The following ALPL variants were observed in gnomAD, a reference collection of about 807,000 sequenced individuals.
ALPL encodes alkaline phosphatase, biomineralization associated, also known as alkaline phosphatase, tissue-nonspecific isozyme.
In ALPL, 42 loss-of-function variants were observed where a neutral mutation model predicts 51.3. The ratio of observed to expected loss-of-function variants is 0.82; its 90% CI spans 0.64 to 1.06. The LOEUF (loss-of-function observed/expected upper bound fraction) is 1.06, where lower values mean the gene tolerates loss of function less well. Among genes scored for constraint, ALPL ranks in the 50% least tolerant of loss-of-function variants. The probability of loss-of-function intolerance (pLI) is 0.00; values close to 1 mark genes in which losing one functional copy is unlikely to be tolerated. For missense variants in ALPL, 589 were observed against 709.4 expected (o/e 0.83, Z 1.93); for synonymous variants, 279 against 296.4 (o/e 0.94, Z 0.60).
chr1:21,528,776 T>C (rs1643987918), intron 1 of ALPL, among the ~76,000 whole-genome samples: 1 of 152,044 alleles, frequency 6.6e-6, no homozygotes, highest in Admixed American at 6.6e-5. Flanking sequence ...CATGAAAATA[T>C]TATGGAGTCA....
At chr1:21,573,971 A>G in intron 9 of ALPL, 172 bp downstream of exon 9, 2 of 985,442 alleles carry the variant, frequency 2.0e-6, no homozygotes, top group Non-Finnish European at 2.4e-6. Flanking sequence ...CTCCCAGCCC[A>G]GCAAGCTGCT....
chr1:21,570,290 A>G lies in ALPL; in HGVS notation c.793-15A>G. ...CCTAGCCCCCGGCATGTGCTGACAC[A>G]GCCCTTCCTCCTAGCACTCCCACTT... is the stretch of plus-strand genomic sequence containing the variant. On this transcript the variant is annotated splice_polypyrimidine_tract_variant and intron_variant, in intron 7 of 11. Coordinates refer to ENST00000374840, the MANE Select transcript of ALPL (RefSeq NM_000478.6). 1.2e-6 allele frequency: 2 copies of G among 1,613,946 alleles called. No homozygotes were observed. Among genetic ancestry groups the G allele is most frequent in the Non-Finnish European group, 8.5e-7 (1 of 1,179,910 alleles).
At chr1:21,529,868 C>T (rs1479146094) in intron 1 of ALPL, among the ~76,000 whole-genome samples, 1 of 152,036 alleles carries the variant, frequency 6.6e-6, no homozygotes, top group Non-Finnish European at 1.5e-5. Context: ...ACCTCCCGAG[C>T]TCAAGTGATC....
At chr1:21,571,603 C>T (rs557709720) in intron 8 of ALPL, among the ~76,000 whole-genome samples, 115 of 151,600 alleles carry the variant, frequency 7.6e-4, no homozygotes, top group East Asian at 9.8e-4. Flanking sequence ...ACCCGGGAGG[C>T]GGAGGTTACA....
At chr1:21,567,246 C>T (rs1171076074) in intron 6 of ALPL, among the ~76,000 whole-genome samples, 1 of 152,224 alleles carries the variant, frequency 6.6e-6, no homozygotes, top group African/African-American at 2.4e-5. Flanking sequence ...CGGGCTGGCA[C>T]CCGCGGTGAC....
rs565752699 is a variant in ALPL at position 21,564,022 on chromosome 1, C to T, written c.473-19C>T. 14 of 1,612,986 alleles carry T rather than the reference C, an allele frequency of 8.7e-6. No homozygotes were observed. The highest frequency in any genetic ancestry group is 6.7e-5 in the Admixed American group (4 of 60,014). On this transcript the variant is annotated intron_variant, in intron 5 of 11. Coordinates refer to ENST00000374840, the MANE Select transcript of ALPL (RefSeq NM_000478.6). This position sits in a 1 kb window ranked among gnomAD's most constrained non-coding sequence, Gnocchi z 5.8. ...CCCGATCTGTGGATAAAGCCAAACC[C>T]GCCCCTCCTGCACCCCAGGGAAATC...
intron 1 of ALPL, among the ~76,000 whole-genome samples, chr1:21,552,463 GA>G (rs1403512277): frequency 8.6e-6 from 1 of 115,694 alleles, no homozygotes; most frequent in Admixed American, 9.8e-5. Context: ...TGGGCAACAA[GA>G]ACAAAACTCC....
At chr1:21,532,450 T>C (rs1036977448) in intron 1 of ALPL, among the ~76,000 whole-genome samples, 3 of 152,066 alleles carry the variant, frequency 2.0e-5, no homozygotes, top group Non-Finnish European at 4.4e-5. Flanking sequence ...CTCAGCCTCC[T>C]GAAGTGCTGG....
At position 21,549,298 on chromosome 1, in the gene ALPL, C is replaced by G. The variant is rs1018630589; in HGVS notation, c.-104-4680C>G. Among the ~76,000 whole-genome samples, 3 of 152,260 alleles carry G rather than the reference C, an allele frequency of 2.0e-5. No individual in the cohort carries two copies. The East Asian group carries it at 5.8e-4, about 29-fold the overall frequency. On this transcript the variant is annotated intron_variant, in intron 1 of 11. Transcript: ENST00000374840. ...TGCCTATGATTCCCAAATTTATACT[C>G]TAACCCAGACTTCTTTTTCAAATGC...
chr1:21,570,470 GC>G, intron 8 of ALPL, 96 bp downstream of exon 8: 1 of 1,293,720 alleles, frequency 7.7e-7, no homozygotes, highest in Non-Finnish European at 1.1e-6. Context: ...CTAGCCTGAC[GC>G]CCACTTAGGG....
chr1:21,558,875 C>T (rs933391658), intron 2 of ALPL, among the ~76,000 whole-genome samples: 1 of 152,312 alleles, frequency 6.6e-6, no homozygotes, highest in East Asian at 1.9e-4. Flanking sequence ...CACGGCGACG[C>T]GTGAGTTTCC....
chr1:21,573,862 G>A, intron 9 of ALPL, 63 bp downstream of exon 9: 1 of 1,611,054 alleles, frequency 6.2e-7, no homozygotes, highest in Non-Finnish European at 8.5e-7. Context: ...TCAGGATGGA[G>A]AAGTCCAGCT....
At chr1:21,560,515 C>T (rs753742829) in intron 2 of ALPL, 111 bp from the exon 3 acceptor site, 4 of 1,440,510 alleles carry the variant, frequency 2.8e-6, no homozygotes, top group South Asian at 1.3e-5. Context: ...ATTGCACCCA[C>T]CTCCAAGTTC....
In ALPL at chr1:21,519,858, C is replaced by T. The variant is rs185838828; in HGVS notation, c.-105+10341C>T. Among the ~76,000 whole-genome samples, 231 of 152,220 alleles carry T rather than the reference C, an allele frequency of 1.5e-3. 2 individuals carry two copies. The highest frequency in any genetic ancestry group is 5.3e-3 in the African/African-American group (222 of 41,534). ...GGGTGGTGGGCCCCGGACCACACAG[C>T]GAATAAACGGTAAACCCTGCACCAA... On this transcript the variant is annotated intron_variant, in intron 1 of 11. Transcript: ENST00000374840.
intron 1 of ALPL, among the ~76,000 whole-genome samples, chr1:21,540,383 C>G (rs1295750486): frequency 6.6e-6 from 1 of 152,212 alleles, no homozygotes; most frequent in African/African-American, 2.4e-5. Context: ...TTTGGGGCAT[C>G]ATGACCGTCC....
chr1:21,509,211 G>C (rs1373842371), upstream of ALPL, among the ~76,000 whole-genome samples: 1 of 151,726 alleles, frequency 6.6e-6, no homozygotes, highest in Non-Finnish European at 1.5e-5. This position sits in a 1 kb window ranked among gnomAD's most constrained non-coding sequence, Gnocchi z 6.0. Context: ...CCAGGGCCGC[G>C]TCACCCCAGC....
chr1:21,519,281 G>A (rs1643858427), intron 1 of ALPL, among the ~76,000 whole-genome samples: 1 of 152,224 alleles, frequency 6.6e-6, no homozygotes, highest in Admixed American at 6.5e-5. Context: ...CACCTGGGGT[G>A]GGCCCTGGTA....
intron 3 of ALPL, among the ~76,000 whole-genome samples, 163 bp downstream of exon 3, chr1:21,560,908 G>T (rs996985274): frequency 1.3e-5 from 2 of 152,152 alleles, no homozygotes; most frequent in Admixed American, 1.3e-4. Flanking sequence ...GGCCTGCTCT[G>T]CCAGACAGCC....
rs1570216966 is a variant in ALPL at position 21,537,492 on chromosome 1, A to C, written c.-104-16486A>C. On this transcript the variant is annotated intron_variant, in intron 1 of 11. Transcript: ENST00000374840. ...AAAGTACACAGGGAGCTGAGAGAGCAGCATGACATGAGGACCAGCCACAGG... is the reference window on the plus strand; with the variant it reads ...AAAGTACACAGGGAGCTGAGAGAGCCGCATGACATGAGGACCAGCCACAGG... Among the ~76,000 whole-genome samples, 6 of 152,322 alleles carry C rather than the reference A, an allele frequency of 3.9e-5. 1 individual carries two copies. Among genetic ancestry groups the C allele is most frequent in the African/African-American group, 1.4e-4 (6 of 41,580 alleles).
Sources: gnomAD v4.1 joint callset for allele counts (sites outside exome capture counted in the v4.1 genomes callset) on GRCh38, gnomAD v4.1.1 for gene constraint, Gnocchi (gnomAD v3.1) non-coding constraint, MANE v1.5 for transcripts, NCBI Gene and HGNC (gene_info 2026-07-23, HGNC 2026-07-21) for gene names.